TET2: variants seen among roughly 807,000 people sequenced by gnomAD.
The protein encoded by TET2 is tet methylcytosine dioxygenase 2.
A neutral mutation model predicts 142.9 loss-of-function variants in TET2; 299 were observed. The observed-to-expected ratio is 2.09, with a 90% CI of 1.90 to 2.30. TET2 has a LOEUF of 2.30. TET2 is among the 30% of genes most tolerant of loss of function. TET2 has a pLI of 0.00. For synonymous variants in TET2, 819 were observed against 849.0 expected (o/e 0.96, Z 0.61); for missense variants, 2,418 against 2,378.0 (o/e 1.02, Z -0.35).
chr4:105,180,298 A>G (rs1316824802), intron 1 of TET2, among the ~76,000 whole-genome samples: 1 of 152,224 alleles, frequency 6.6e-6, no homozygotes, highest in African/African-American at 2.4e-5. Flanking sequence ...CAGTGATAAC[A>G]TTAAAATGGT....
intron 1 of TET2, 144 bp downstream of exon 1, chr4:105,147,123 A>T (rs1180557499): frequency 6.6e-6 from 1 of 152,202 alleles, no homozygotes; most frequent in African/African-American, 2.4e-5. Flanking sequence ...AAATTACTGG[A>T]GCCTCTTCAA....
chr4:105,177,617 A>C (rs1251874207), intron 1 of TET2: 1 of 152,268 alleles, frequency 6.6e-6, no homozygotes, highest in African/African-American at 2.4e-5. Context: ...AAGTCAGAAC[A>C]CTGATGAAAC....
At chr4:105,227,689 T>C (rs1005076151) in intron 2 of TET2, among the ~76,000 whole-genome samples, 2 of 152,188 alleles carry the variant, frequency 1.3e-5, no homozygotes, top group African/African-American at 4.8e-5. Context: ...ATTAAAATTA[T>C]ATTTTTGTTC....
At chr4:105,249,966 A>G (rs150552325) in intron 6 of TET2, among the ~76,000 whole-genome samples, 22 of 152,332 alleles carry the variant, frequency 1.4e-4, no homozygotes, top group Admixed American at 3.9e-4. Flanking sequence ...TATTTAAGAA[A>G]TCATTGCCTC....
rs569125497 is a variant in TET2, at chr4:105,272,575, C to T, written c.4194C>T (p.Leu1398=). The T allele has an allele frequency of 3.9e-6, 6 of 1,535,156 alleles. No individual in the cohort carries two copies. Among genetic ancestry groups the T allele is most frequent in the Non-Finnish European group, 5.3e-6 (6 of 1,140,142 alleles). The change falls in exon 10 of 11, where the codon CTC becomes CTT. Residue 1398 remains leucine (L), a synonymous_variant. Coordinates refer to ENST00000380013, the MANE Select transcript of TET2 (RefSeq NM_001127208.3). ...TACTTCCCTACCAGGTATGCACTCTCACTAGAGAAGACAATCGAGAATTTG... is the reference window on the plus strand; with the variant it reads ...TACTTCCCTACCAGGTATGCACTCTTACTAGAGAAGACAATCGAGAATTTG... The part of the protein sequence containing the change: ...MQNGSTLVCT[L]TREDNREFGG...
chr4:105,217,960 A>G lies in TET2; in HGVS notation c.-46-15937A>G, dbSNP rs148499792. 3.0e-3 allele frequency among the ~76,000 whole-genome samples: 454 copies of G among 152,186 alleles called. 5 individuals carry two copies. Among genetic ancestry groups the G allele is most frequent in the African/African-American group, 7.2e-3 (298 of 41,564 alleles). On this transcript the variant is annotated intron_variant, in intron 2 of 10. Transcript: ENST00000380013. ...TGCTTCTTAATGTCAAAAATTCAGA[A>G]ACCCAATTTTATCTCTCCCGCAGAG...
intron 1 of TET2, among the ~76,000 whole-genome samples, chr4:105,179,644 G>T (rs1212697160): frequency 6.6e-6 from 1 of 152,160 alleles, no homozygotes; most frequent in Non-Finnish European, 1.5e-5. Flanking sequence ...TTTGTAGTCA[G>T]CTGTTACACT....
chr4:105,259,641 C>T lies in TET2; in HGVS notation c.3826C>T (p.Leu1276=). ...CAGGAGAACTTGCGCCTGTCAGGGG[C>T]TGGATCCAGAAACCTGTGGTGCCTC... The part of the protein sequence containing the change: ...NEERTCACQG[L]DPETCGASFS... The change falls in exon 7 of 11, where the codon CTG becomes TTG. Residue 1276 remains leucine, a synonymous_variant. Coordinates refer to ENST00000380013, the MANE Select transcript of TET2 (RefSeq NM_001127208.3). The T allele has an allele frequency of 6.4e-7, 1 of 1,551,006 alleles. No individual in the cohort carries two copies. The highest frequency in any genetic ancestry group is 8.7e-7 in the Non-Finnish European group (1 of 1,146,448).
At chr4:105,194,581 T>C (rs552503127) in intron 2 of TET2, among the ~76,000 whole-genome samples, 14 of 152,282 alleles carry the variant, frequency 9.2e-5, no homozygotes, top group Admixed American at 3.3e-4. Context: ...TCATTGTTAC[T>C]TCCTTACAGG....
chr4:105,185,778 CTAAAAAA>C (rs773758830), intron 1 of TET2, among the ~76,000 whole-genome samples: 9 of 151,470 alleles, frequency 5.9e-5, no homozygotes, highest in East Asian at 1.9e-4. Context: ...GACTCTGTCT[CTAAAAAA>C]TAAAAAATAA....
At chr4:105,229,773 G>T (rs1254264341) in intron 2 of TET2, among the ~76,000 whole-genome samples, 1 of 151,774 alleles carries the variant, frequency 6.6e-6, no homozygotes, top group Non-Finnish European at 1.5e-5. Context: ...CTCCAGAGAT[G>T]ATTTTTTTTT....
intron 1 of TET2, among the ~76,000 whole-genome samples, chr4:105,176,770 A>G (rs1724820773): frequency 6.6e-6 from 1 of 152,172 alleles, no homozygotes; most frequent in Non-Finnish European, 1.5e-5. Context: ...AAAGGATTCT[A>G]AAGTTTATAT....
intron 2 of TET2, among the ~76,000 whole-genome samples, chr4:105,195,269 T>C (rs987133110): frequency 5.6e-4 from 85 of 152,190 alleles, no homozygotes; most frequent in Non-Finnish European, 1.3e-4. Flanking sequence ...GTTTGTATTC[T>C]GAAAGAAAAT....
At chr4:105,199,432 G>A (rs73836090) in intron 2 of TET2, among the ~76,000 whole-genome samples, 2,684 of 152,190 alleles carry the variant, frequency 0.018, 97 homozygotes, top group African/African-American at 0.062. Flanking sequence ...CTAAATAAAT[G>A]TTGGAGATTT....
intron 1 of TET2, among the ~76,000 whole-genome samples, chr4:105,158,535 T>C (rs1458289010): frequency 1.3e-5 from 2 of 152,228 alleles, no homozygotes; most frequent in Non-Finnish European, 2.9e-5. Flanking sequence ...GGTCATGTTG[T>C]AATTTAATTG....
At position 105,241,326 on chromosome 4, in the gene TET2, A is replaced by C. The variant is rs924435532; in HGVS notation, c.3410-13A>C. 2 of 1,535,364 alleles carry C rather than the reference A, an allele frequency of 1.3e-6. No individual in the cohort carries two copies. The highest frequency in any genetic ancestry group is 1.4e-5 in the African/African-American group (1 of 72,016). ...TTGAGGTCTAAAATAATAATCTTCT[A>C]TTATCTCAACAGAGCAAATTATTGA... On this transcript the variant is annotated splice_polypyrimidine_tract_variant and intron_variant, in intron 3 of 10. Coordinates refer to ENST00000380013, the MANE Select transcript of TET2 (RefSeq NM_001127208.3).
At chr4:105,268,009 A>G (rs577933835) in intron 8 of TET2, among the ~76,000 whole-genome samples, 31 of 152,290 alleles carry the variant, frequency 2.0e-4, no homozygotes, top group Non-Finnish European at 4.0e-4. Context: ...CTTGACCCCT[A>G]AGATAAGGAA....
At chr4:105,221,647 A>G (rs796758640) in intron 2 of TET2, among the ~76,000 whole-genome samples, 7 of 152,230 alleles carry the variant, frequency 4.6e-5, no homozygotes, top group African/African-American at 1.7e-4. Context: ...TCAGAAATGG[A>G]GGAACTTTCT....
chr4:105,234,593 C>T lies in TET2; in HGVS notation c.651C>T (p.Ser217=), dbSNP rs142173406. The change falls in exon 3 of 11, where the codon TCC becomes TCT. Residue 217 remains serine, a synonymous_variant. Transcript: ENST00000380013. Reference sequence around the variant, plus strand: ...ATGGTGCTACAGTTTCTGCCTCTTCCGTGGAACACACACATGGTGAACTCC... The same window carrying T: ...ATGGTGCTACAGTTTCTGCCTCTTCTGTGGAACACACACATGGTGAACTCC... ...MPNGATVSAS[S]VEHTHGELLE... 206 of 1,614,068 alleles carry T rather than the reference C, an allele frequency of 1.3e-4. No homozygotes were observed. The highest frequency in any genetic ancestry group is 1.6e-4 in the Non-Finnish European group (186 of 1,179,980).
Sources: allele counts gnomAD v4.1 joint callset (sites outside exome capture counted in the v4.1 genomes callset), GRCh38; gene constraint gnomAD v4.1.1; transcripts MANE v1.5; gene names NCBI Gene and HGNC (gene_info 2026-07-23, HGNC 2026-07-21).